The following IGF2R variants were observed in gnomAD, a reference collection of about 807,000 sequenced individuals.
The protein encoded by IGF2R is insulin like growth factor 2 receptor.
A neutral mutation model predicts 270.6 loss-of-function variants in IGF2R; 91 were observed. The ratio of observed to expected loss-of-function variants is 0.34; its 90% confidence interval spans 0.28 to 0.40. The LOEUF (loss-of-function observed/expected upper bound fraction) is 0.40, where lower values mean the gene tolerates loss of function less well. Ranked by LOEUF, IGF2R falls within the 10% of genes least tolerant of loss-of-function variation. The probability of loss-of-function intolerance (pLI) is 1.00; values close to 1 mark genes in which losing one functional copy is unlikely to be tolerated. For synonymous variants in IGF2R, 1,316 were observed against 1,258.9 expected (o/e 1.05, Z -0.96); for missense variants, 2,805 against 3,188.3 (o/e 0.88, Z 2.90).
In IGF2R at chr6:159,988,675, C is replaced by T. The variant is rs1422303578; in HGVS notation, c.150-2509C>T. Among the ~76,000 whole-genome samples, 5 of 152,228 alleles carry T rather than the reference C, an allele frequency of 3.3e-5. No individual in the cohort carries two copies. The East Asian group carries it at 9.7e-4, about 29-fold the overall frequency. ...TAGTTTAATGATGCCACTGCCGCTA[C>T]TTGAAGTTTGTCTCTGTTATCCTGG... On this transcript the variant is annotated intron_variant, in intron 1 of 47. Coordinates refer to ENST00000356956, the MANE Select transcript of IGF2R (RefSeq NM_000876.4).
intron 44 of IGF2R, chr6:160,093,413 C>T (rs1484375374): frequency 1.3e-5 from 4 of 314,588 alleles, no homozygotes; most frequent in Non-Finnish European, 2.5e-5. Flanking sequence ...GAGCTCCTGG[C>T]ACAGTGATGG....
At chr6:160,045,472 C>A (rs1293246445) in intron 13 of IGF2R, among the ~76,000 whole-genome samples, 1 of 152,176 alleles carries the variant, frequency 6.6e-6, no homozygotes, top group African/African-American at 2.4e-5. Context: ...ATCTCCAGAA[C>A]TTTTTGATCC....
intron 45 of IGF2R, among the ~76,000 whole-genome samples, chr6:160,096,922 T>C (rs1020335473): frequency 2.6e-5 from 4 of 152,168 alleles, no homozygotes; most frequent in Admixed American, 1.3e-4. Flanking sequence ...GCACCCCAGC[T>C]CTGTCCCTCT....
chr6:160,092,063 C>T (rs1012429874), intron 44 of IGF2R, among the ~76,000 whole-genome samples: 2 of 151,986 alleles, frequency 1.3e-5, no homozygotes, highest in Non-Finnish European at 2.9e-5. Context: ...GAAGGCCCAC[C>T]TTCTCATAGC....
At chr6:160,047,053 T>C (rs1778084070) in intron 15 of IGF2R, 106 bp from the exon 16 acceptor site, 2 of 1,036,002 alleles carry the variant, frequency 1.9e-6, no homozygotes, top group South Asian at 2.7e-5. Flanking sequence ...CCGGGCCTGG[T>C]TCTGGTGACT....
intron 7 of IGF2R, among the ~76,000 whole-genome samples, chr6:160,029,965 A>AT (rs370248950): frequency 2.7e-4 from 41 of 151,796 alleles, no homozygotes; most frequent in South Asian, 1.2e-3. Flanking sequence ...TCACGGACAG[A>AT]TTTTTTTTTG....
Position 160,050,661 on chromosome 6 carries a change from C to G in IGF2R, c.2694+9C>G. 1 of 1,588,948 alleles carries G rather than the reference C, an allele frequency of 6.3e-7. No individual in the cohort carries two copies. Among genetic ancestry groups the G allele is most frequent in the Non-Finnish European group, 8.6e-7 (1 of 1,161,938 alleles). ...GCTCCAGGGGCAGGCTGGTAAGGCACTGCTGCTGGCTGGTGACCTTCACTG... is the reference window on the plus strand; with the variant it reads ...GCTCCAGGGGCAGGCTGGTAAGGCAGTGCTGCTGGCTGGTGACCTTCACTG... On this transcript the variant is annotated intron_variant, in intron 19 of 47. Coordinates refer to ENST00000356956, the MANE Select transcript of IGF2R (RefSeq NM_000876.4). The surrounding 1 kb of genome is among the most constrained non-coding windows in gnomAD (Gnocchi z 4.0).
chr6:160,071,242 G>T, intron 31 of IGF2R, among the ~76,000 whole-genome samples: 1 of 135,980 alleles, frequency 7.4e-6, no homozygotes, highest in Non-Finnish European at 1.6e-5. Context: ...GGGGTGTGTC[G>T]AGGCCCCTGT....
intron 5 of IGF2R, 135 bp downstream of exon 5, chr6:160,024,839 C>A: frequency 1.0e-6 from 1 of 994,632 alleles, no homozygotes; most frequent in Non-Finnish European, 1.5e-6. Flanking sequence ...GCTTTTGTCC[C>A]CAAAAATGTT....
intron 7 of IGF2R, 44 bp from the exon 8 acceptor site, chr6:160,032,507 A>C (rs759389286): frequency 3.2e-6 from 5 of 1,571,872 alleles, no homozygotes; most frequent in Non-Finnish European, 3.5e-6. Flanking sequence ...ATTAAGCTGC[A>C]TGAAACATTT....
At chr6:159,991,398 A>G (rs1219521568) in intron 2 of IGF2R, 75 bp downstream of exon 2, 2 of 1,288,486 alleles carry the variant, frequency 1.6e-6, no homozygotes, top group Non-Finnish European at 2.2e-6. Flanking sequence ...GTGTATAGCT[A>G]TACGTATATA....
intron 35 of IGF2R, among the ~76,000 whole-genome samples, chr6:160,075,003 T>C (rs1266708403): frequency 1.8e-4 from 28 of 152,202 alleles, no homozygotes; most frequent in Admixed American, 1.8e-3. Context: ...GTTATTTAAC[T>C]GGAGAAGGTG....
intron 1 of IGF2R, among the ~76,000 whole-genome samples, chr6:159,980,234 A>AGG (rs1317451839): frequency 7.2e-6 from 1 of 138,106 alleles, no homozygotes; most frequent in African/African-American, 2.8e-5. Context: ...AAAGAAAGAA[A>AGG]GAAAGGTACA....
intron 10 of IGF2R, among the ~76,000 whole-genome samples, chr6:160,036,544 G>A (rs1166966992): frequency 2.6e-5 from 4 of 152,136 alleles, no homozygotes; most frequent in Non-Finnish European, 5.9e-5. Context: ...TCTGTTCAGG[G>A]CTTTTTATTA....
chr6:160,002,372 G>C (rs1784143534), intron 2 of IGF2R, among the ~76,000 whole-genome samples: 2 of 152,240 alleles, frequency 1.3e-5, no homozygotes, highest in South Asian at 4.1e-4. Context: ...GCCTAGGTAA[G>C]AGAGTAGTGA....
At chr6:160,058,793 C>T in intron 21 of IGF2R, 113 bp from the exon 22 acceptor site, 1 of 944,052 alleles carries the variant, frequency 1.1e-6, no homozygotes, top group South Asian at 1.7e-5. Flanking sequence ...GGCAAGTTAA[C>T]TAACAAATAA....
chr6:160,073,916 G>A lies in IGF2R; in HGVS notation c.5107G>A (p.Gly1703Arg), dbSNP rs749941945. 2.5e-6 allele frequency: 4 copies of A among 1,614,170 alleles called. No homozygotes were observed. Among genetic ancestry groups the A allele is most frequent in the Non-Finnish European group, 3.4e-6 (4 of 1,180,010 alleles). Residue 1703 changes from glycine to arginine, a missense_variant, in exon 35 of 48, where the codon GGA (glycine) becomes AGA (arginine). Transcript: ENST00000356956. Reference sequence around the variant, plus strand: ...TTGTCAGCCACTAAATCCCATGCACGGAGTGCCCTGTCCTGCCGGAGCCGC... The same window carrying A: ...TTGTCAGCCACTAAATCCCATGCACAGAGTGCCCTGTCCTGCCGGAGCCGC... ...NICQPLNPMH[G>R]VPCPAGAAVC...
intron 30 of IGF2R, among the ~76,000 whole-genome samples, chr6:160,069,626 A>G (rs1049698313): frequency 1.3e-5 from 2 of 152,138 alleles, no homozygotes; most frequent in African/African-American, 2.4e-5. Context: ...CAGCCTAGCT[A>G]TTCCTCTACA....
intron 2 of IGF2R, among the ~76,000 whole-genome samples, chr6:159,991,740 AGT>A (rs1489417087): frequency 6.6e-6 from 1 of 152,186 alleles, no homozygotes; most frequent in Non-Finnish European, 1.5e-5. Context: ...GTTCCCAGAC[AGT>A]GTTTCTGCTG....
Sources: allele counts gnomAD v4.1 joint callset (sites outside exome capture counted in the v4.1 genomes callset), GRCh38; gene constraint gnomAD v4.1.1; non-coding constraint Gnocchi (gnomAD v3.1); transcripts MANE v1.5; gene names NCBI Gene and HGNC (gene_info 2026-07-23, HGNC 2026-07-21).